The following NCKAP5 variants were observed in gnomAD, a reference collection of about 807,000 sequenced individuals.
NCKAP5 encodes NCK associated protein 5, also known as nck-associated protein 5.
NCKAP5 carries 92 observed loss-of-function variants against 167.0 expected under a neutral mutation model. That is an observed-to-expected ratio of 0.55 (90% CI 0.47 to 0.66). The LOEUF (loss-of-function observed/expected upper bound fraction) is 0.66, where lower values mean the gene tolerates loss of function less well. NCKAP5 is among the 30% of genes least tolerant of loss of function. The pLI is 0.00. For synonymous variants in NCKAP5, 891 were observed against 877.4 expected (o/e 1.02, Z -0.27); for missense variants, 2,378 against 2,315.0 (o/e 1.03, Z -0.56).
intron 8 of NCKAP5, among the ~76,000 whole-genome samples, chr2:132,884,373 G>A (rs1181039013): frequency 6.6e-6 from 1 of 152,176 alleles, no homozygotes; most frequent in Non-Finnish European, 1.5e-5. Flanking sequence ...TCCCATGGAA[G>A]CTTTTCCGTC....
intron 5 of NCKAP5, among the ~76,000 whole-genome samples, chr2:133,155,057 T>A (rs2083523446): frequency 6.6e-6 from 1 of 152,200 alleles, no homozygotes; most frequent in African/African-American, 2.4e-5. Flanking sequence ...GGTATATATC[T>A]CCCCTAATGC....
At chr2:133,475,871 A>G (rs945497875) in intron 3 of NCKAP5, among the ~76,000 whole-genome samples, 1 of 152,234 alleles carries the variant, frequency 6.6e-6, no homozygotes, top group Non-Finnish European at 1.5e-5. Context: ...CATACATGCA[A>G]TTAATCACAG....
At chr2:132,765,752 G>T (rs1684548195) in intron 16 of NCKAP5, among the ~76,000 whole-genome samples, 1 of 152,156 alleles carries the variant, frequency 6.6e-6, no homozygotes, top group Non-Finnish European at 1.5e-5. Flanking sequence ...AGAGTTAAGA[G>T]AACCTCTATT....
intron 3 of NCKAP5, among the ~76,000 whole-genome samples, chr2:133,463,443 G>A (rs1692327662): frequency 6.6e-6 from 1 of 152,176 alleles, no homozygotes; most frequent in African/African-American, 2.4e-5. Flanking sequence ...TCAATTCCAG[G>A]AGCACATCTT....
At chr2:133,016,394 G>A (rs757825151) in intron 6 of NCKAP5, among the ~76,000 whole-genome samples, 27 of 152,134 alleles carry the variant, frequency 1.8e-4, no homozygotes, top group Non-Finnish European at 3.5e-4. Flanking sequence ...TGATAATAGC[G>A]GCTCTTTAGC....
intron 6 of NCKAP5, among the ~76,000 whole-genome samples, chr2:133,001,386 A>C (rs988600423): frequency 6.6e-6 from 1 of 151,888 alleles, no homozygotes; most frequent in Non-Finnish European, 1.5e-5. Context: ...TGCCTGGCTA[A>C]ATTTTGTATT....
At chr2:133,481,092 A>G (rs1278697207) in intron 3 of NCKAP5, among the ~76,000 whole-genome samples, 4 of 152,240 alleles carry the variant, frequency 2.6e-5, no homozygotes, top group African/African-American at 9.6e-5. Flanking sequence ...TACACATACT[A>G]ATAAAAAAAT....
intron 19 of NCKAP5, among the ~76,000 whole-genome samples, chr2:132,683,035 C>T (rs1322344811): frequency 1.3e-5 from 2 of 151,918 alleles, no homozygotes; most frequent in Admixed American, 1.3e-4. Flanking sequence ...AGGCATGCAC[C>T]TCCATGCCTG....
the NCKAP5 span, among the ~76,000 whole-genome samples, chr2:133,608,095 T>A: frequency 6.6e-6 from 1 of 152,248 alleles, no homozygotes; most frequent in Non-Finnish European, 1.5e-5. Context: ...TTTCATCTAT[T>A]TCCAAGATAG....
intron 2 of NCKAP5, among the ~76,000 whole-genome samples, chr2:133,546,684 A>C (rs552658040): frequency 6.6e-6 from 1 of 152,050 alleles, no homozygotes; most frequent in Non-Finnish European, 1.5e-5. Context: ...CAAAACAAAA[A>C]AACAAAACAA....
At chr2:133,031,119 A>C (rs1407394594) in intron 6 of NCKAP5, among the ~76,000 whole-genome samples, 1 of 152,124 alleles carries the variant, frequency 6.6e-6, no homozygotes, top group African/African-American at 2.4e-5. Flanking sequence ...GAAAAAAAAA[A>C]CACCTTCATA....
chr2:133,044,061 G>T (rs972947165), intron 6 of NCKAP5, among the ~76,000 whole-genome samples: 14 of 152,060 alleles, frequency 9.2e-5, no homozygotes, highest in African/African-American at 3.4e-4. Context: ...TGATGTAATT[G>T]GCATTGCAGA....
At chr2:132,809,728 T>A (rs1373792056) in intron 11 of NCKAP5, among the ~76,000 whole-genome samples, 1 of 152,218 alleles carries the variant, frequency 6.6e-6, no homozygotes, top group Non-Finnish European at 1.5e-5. Context: ...TGGTTCTGTA[T>A]CTTTTAAGTG....
At chr2:133,655,547 C>T in the NCKAP5 span, among the ~76,000 whole-genome samples, 1 of 152,130 alleles carries the variant, frequency 6.6e-6, no homozygotes, top group South Asian at 2.1e-4. Flanking sequence ...GATTCAGGAG[C>T]TGGCTTTAAT....
chr2:133,182,459 C>T (rs369450072), intron 5 of NCKAP5, among the ~76,000 whole-genome samples: 131 of 152,022 alleles, frequency 8.6e-4, no homozygotes, highest in East Asian at 3.5e-3. Context: ...GATTAAACTT[C>T]GAATAAAAAA....
chr2:133,091,800 T>C (rs1037215459), intron 6 of NCKAP5, among the ~76,000 whole-genome samples: 2 of 152,218 alleles, frequency 1.3e-5, no homozygotes, highest in Admixed American at 6.5e-5. Context: ...GGCAGGAGAA[T>C]GGTGTGAACC....
intron 7 of NCKAP5, among the ~76,000 whole-genome samples, chr2:132,977,149 C>G (rs1288076103): frequency 1.3e-5 from 2 of 152,230 alleles, no homozygotes; most frequent in East Asian, 3.9e-4. Flanking sequence ...TTTTCTATAT[C>G]ACATCCCTAT....
chr2:132,767,713 T>C (rs72844800), intron 16 of NCKAP5, among the ~76,000 whole-genome samples: 16,554 of 152,232 alleles, frequency 0.11, 981 homozygotes, highest in Middle Eastern at 0.15. Context: ...TGAAACACCC[T>C]GGAAAAATGG....
At chr2:133,478,608 C>T (rs1373930177) in intron 3 of NCKAP5, among the ~76,000 whole-genome samples, 6 of 152,128 alleles carry the variant, frequency 3.9e-5, no homozygotes, top group Admixed American at 3.9e-4. Flanking sequence ...CATGCAGATG[C>T]TATAACACTT....
Sources: gnomAD v4.1 joint callset for allele counts (sites outside exome capture counted in the v4.1 genomes callset) on GRCh38, gnomAD v4.1.1 for gene constraint, MANE v1.5 for transcripts, NCBI Gene and HGNC (gene_info 2026-07-23, HGNC 2026-07-21) for gene names.